ANP32E: variants seen among roughly 807,000 people sequenced by gnomAD.
ANP32E encodes acidic leucine-rich nuclear phosphoprotein 32 family member E.
In ANP32E, 14 loss-of-function variants were observed where a neutral mutation model predicts 35.3. The observed-to-expected ratio is 0.40, with a 90% CI of 0.26 to 0.62. ANP32E has a LOEUF of 0.62. Ranked by LOEUF, ANP32E falls within the 20% of genes least tolerant of loss-of-function variation. The pLI, the probability that ANP32E is intolerant of heterozygous loss-of-function variation, is 0.45. For synonymous variants in ANP32E, 89 were observed against 110.4 expected, an observed-to-expected ratio of 0.81 and a Z score of 1.22; for missense variants, 198 against 304.4, an observed-to-expected ratio of 0.65 and a Z score of 2.60.
At chr1:150,229,901 C>G (rs972909804) in intron 3 of ANP32E, among the ~76,000 whole-genome samples, 1 of 152,168 alleles carries the variant, frequency 6.6e-6, no homozygotes, top group African/African-American at 2.4e-5. Flanking sequence ...CGCAAGCCAC[C>G]GTGCCCGACC....
In ANP32E at chr1:150,231,944, T is replaced by A. The variant is rs1275899429; in HGVS notation, c.55-18A>T. ...TCTGTCACCTGTAAGAGGGAAAACA[T>A]TAATTAATGATTCTTTAGTTTGTAA... is the stretch of plus-strand genomic sequence containing the variant. On this transcript the variant is annotated intron_variant, in intron 1 of 6. Coordinates refer to ENST00000583931, the MANE Select transcript of ANP32E (RefSeq NM_030920.5). The A allele has an allele frequency of 6.2e-7, 1 of 1,606,732 alleles. No individual in the cohort carries two copies. Among genetic ancestry groups the A allele is most frequent in the Non-Finnish European group, 8.5e-7 (1 of 1,177,562 alleles).
At chr1:150,221,600 G>GAGAGGGAAGGAAGGAAGGAAGGAA (rs1648406899) in intron 6 of ANP32E, among the ~76,000 whole-genome samples, 1 of 4,620 alleles carries the variant, frequency 2.2e-4, no homozygotes, top group Non-Finnish European at 6.7e-4. Context: ...GAGGGAGGGA[G>GAGAGGGAAGGAAGGAAGGAAGGAA]GGAGGGAAGG....
At chr1:150,232,299 C>A (rs1357829398) in intron 1 of ANP32E, among the ~76,000 whole-genome samples, 4 of 139,678 alleles carry the variant, frequency 2.9e-5, no homozygotes, top group Non-Finnish European at 6.2e-5. Context: ...AGCCGAGATC[C>A]CGCCACTGCA....
At chr1:150,220,806 A>C in intron 6 of ANP32E, 45 bp from the exon 7 acceptor site, 1 of 1,527,772 alleles carries the variant, frequency 6.5e-7, no homozygotes, top group Non-Finnish European at 9.1e-7. Flanking sequence ...ATTTTAACAA[A>C]TGAGGATTGG....
In ANP32E at chr1:150,235,963, C is replaced by G. The variant is rs587599418; in HGVS notation, c.-177G>C. The G allele has an allele frequency of 1.8e-5, 11 of 601,880 alleles. No individual in the cohort carries two copies. In the Admixed American group the frequency reaches 3.2e-4, roughly 18 times the overall value. The allele number at this position is 601,880 out of a possible 1,614,324, so 37.3% of individuals were successfully genotyped here. A position where few individuals can be genotyped will look rare whatever the true frequency, so the allele number is the denominator to read the frequency against. On this transcript the variant is annotated 5_prime_UTR_variant, in exon 1 of 7. Coordinates refer to ENST00000583931, the MANE Select transcript of ANP32E (RefSeq NM_030920.5). This position sits in a 1 kb window ranked among gnomAD's most constrained non-coding sequence, Gnocchi z 4.2. ...AAAGAAGAGAATAGCAAATGGAGTC[C>G]AAGAGTTGGGACTCTAACTCAGCTG...
At position 150,226,456 on chromosome 1, in the gene ANP32E, TGGA is replaced by T. The variant is rs1164305691; in HGVS notation, c.681+149_681+151del. ...ATGATTATCTGGATATAGTTTGGGG[TGGA>T]GGACAATGAAAAAAAAGACAGGTGG... On this transcript the variant is annotated intron_variant, in intron 5 of 6. Transcript: ENST00000583931. 5.6e-5 allele frequency: 45 copies of T among 796,806 alleles called. No homozygotes were observed. The Middle Eastern group carries it at 1.1e-3, about 20-fold the overall frequency. 49.4% of individuals were successfully genotyped at this position (796,806 alleles called of 1,614,324 possible).
rs587642495 is a variant in ANP32E at position 150,219,672 on chromosome 1, T to A, written c.*1019A>T. The stretch of plus-strand genomic sequence containing the variant: ...CTTTTCTTTCTTCATCCCACTAATA[T>A]TGTCTTAGATGTTGTCAACCAAGAA... On this transcript the variant is annotated 3_prime_UTR_variant, in exon 7 of 7. Transcript: ENST00000583931. 6.6e-6 allele frequency: 1 copy of A among 152,302 alleles called. No homozygotes were observed. Among genetic ancestry groups the A allele is most frequent in the African/African-American group, 2.4e-5 (1 of 41,574 alleles). The allele number at this position is 152,302 out of a possible 1,614,324, so 9.4% of individuals were successfully genotyped here. A position where few individuals can be genotyped will look rare whatever the true frequency, so the allele number is the denominator to read the frequency against.
chr1:150,222,184 G>C (rs1241259601), intron 6 of ANP32E, among the ~76,000 whole-genome samples: 2 of 152,070 alleles, frequency 1.3e-5, no homozygotes, highest in African/African-American at 4.8e-5. Context: ...ACTTTGGGAG[G>C]CTGAGGCAGG....
At chr1:150,234,399 C>G (rs1553842688) in intron 1 of ANP32E, among the ~76,000 whole-genome samples, 3 of 150,758 alleles carry the variant, frequency 2.0e-5, no homozygotes, top group Non-Finnish European at 1.5e-5. Context: ...TCTCCCTGGC[C>G]CCTGCCAATT....
At position 150,230,625 on chromosome 1, in the gene ANP32E, G is replaced by A; in HGVS notation, c.273C>T (p.Thr91=). 6.2e-7 allele frequency: 1 copy of A among 1,613,274 alleles called. No homozygotes were observed. Among genetic ancestry groups the A allele is most frequent in the Non-Finnish European group, 8.5e-7 (1 of 1,179,404 alleles). ...EVLAEKCPNL[T]YLNLSGNKIK... ...TTTTGTTTCCACTCAGATTGAGGTA[G>A]GTAAGATTTGGACATTTCTCTGCCA... Residue 91 remains threonine (T), a synonymous_variant, in exon 3 of 7, where the codon ACC becomes ACT. Transcript: ENST00000583931.
intron 1 of ANP32E, chr1:150,234,607 A>G: frequency 2.0e-6 from 2 of 985,532 alleles, no homozygotes; most frequent in Non-Finnish European, 1.2e-6. Context: ...TTTCAGCAAG[A>G]CTGATGCTTT....
chr1:150,235,710 C>G lies in ANP32E; in HGVS notation c.54+23G>C, dbSNP rs368794036. On this transcript the variant is annotated intron_variant, in intron 1 of 6. Transcript: ENST00000583931. The surrounding 1 kb of genome is among the most constrained non-coding windows in gnomAD (Gnocchi z 4.2). ...TCAGAATACTGGACTGATGGGGAAG[C>G]GGTGGGGGCTGAGTCATCTCACCTC... 6.2e-7 allele frequency: 1 copy of G among 1,613,130 alleles called. No homozygotes were observed. Among genetic ancestry groups the G allele is most frequent in the Non-Finnish European group, 8.5e-7 (1 of 1,179,510 alleles).
At position 150,235,486 on chromosome 1, in the gene ANP32E, T is replaced by G. The variant is rs183368405; in HGVS notation, c.54+247A>C. 2.0e-5 allele frequency among the ~76,000 whole-genome samples: 3 copies of G among 152,220 alleles called. No individual in the cohort carries two copies. ...CACGAGGTCAGGACGCCCGACTCGA[T>G]GAAAGCCGAAAGGAGCTAAGCCCCC... On this transcript the variant is annotated intron_variant, in intron 1 of 6. Coordinates refer to ENST00000583931, the MANE Select transcript of ANP32E (RefSeq NM_030920.5). The surrounding 1 kb of genome is among the most constrained non-coding windows in gnomAD (Gnocchi z 4.2).
At chr1:150,228,505 C>T (rs782773127) in intron 4 of ANP32E, among the ~76,000 whole-genome samples, 3 of 152,062 alleles carry the variant, frequency 2.0e-5, no homozygotes, top group Non-Finnish European at 2.9e-5. Context: ...GCCTGACCAA[C>T]ATGGTGAAAC....
rs1174526340 is a variant in ANP32E, at chr1:150,220,510, T to C, written c.*181A>G. On this transcript the variant is annotated 3_prime_UTR_variant, in exon 7 of 7. Transcript: ENST00000583931. ...AATGAAAATTTTTCTCTACATACAA[T>C]ATGATCATTAACAGACTAGTTCTTA... 5.2e-6 allele frequency: 3 copies of C among 580,610 alleles called. No homozygotes were observed. The highest frequency in any genetic ancestry group is 1.9e-5 in the African/African-American group (1 of 53,588). 36.0% of individuals were successfully genotyped at this position (580,610 alleles called of 1,614,324 possible).
chr1:150,225,668 CAAAAAAA>C (rs1648810070), intron 5 of ANP32E, among the ~76,000 whole-genome samples: 7 of 119,272 alleles, frequency 5.9e-5, no homozygotes, highest in South Asian at 2.6e-4. Flanking sequence ...GAGACTGTAA[CAAAAAAA>C]AAAAAAAAAA....
chr1:150,235,706 G>A lies in ANP32E; in HGVS notation c.54+27C>T, dbSNP rs1553843137. 6.2e-7 allele frequency: 1 copy of A among 1,613,298 alleles called. No homozygotes were observed. The highest frequency in any genetic ancestry group is 1.3e-5 in the African/African-American group (1 of 74,882). Reference sequence around the variant, plus strand: ...ATCCTCAGAATACTGGACTGATGGGGAAGCGGTGGGGGCTGAGTCATCTCA... The same window carrying A: ...ATCCTCAGAATACTGGACTGATGGGAAAGCGGTGGGGGCTGAGTCATCTCA... On this transcript the variant is annotated intron_variant, in intron 1 of 6. Transcript: ENST00000583931. The surrounding 1 kb of genome is among the most constrained non-coding windows in gnomAD (Gnocchi z 4.2).
chr1:150,228,967 TGTG>T lies in ANP32E; in HGVS notation c.493+102_493+104del, dbSNP rs1649111862. 11 of 966,698 alleles carry T rather than the reference TGTG, an allele frequency of 1.1e-5. No homozygotes were observed. In the Admixed American group the frequency reaches 1.8e-4, roughly 16 times the overall value. The allele number at this position is 966,698 out of a possible 1,614,324, so 59.9% of individuals were successfully genotyped here. A position where few individuals can be genotyped will look rare whatever the true frequency, so the allele number is the denominator to read the frequency against. On this transcript the variant is annotated intron_variant, in intron 4 of 6. Coordinates refer to ENST00000583931, the MANE Select transcript of ANP32E (RefSeq NM_030920.5). ...TTTTCTTGTCTTACTAATATCTTGT[TGTG>T]GATTTTTTTTTTCACACCTAAATTT...
chr1:150,226,560 C>T, intron 5 of ANP32E, 48 bp downstream of exon 5: 2 of 1,601,880 alleles, frequency 1.2e-6, no homozygotes, highest in Non-Finnish European at 1.7e-6. Context: ...GTACTTACTC[C>T]TATGCCTAGA....
Sources: allele counts gnomAD v4.1 joint callset (sites outside exome capture counted in the v4.1 genomes callset), GRCh38; gene constraint gnomAD v4.1.1; non-coding constraint Gnocchi (gnomAD v3.1); transcripts MANE v1.5; gene names NCBI Gene and HGNC (gene_info 2026-07-23, HGNC 2026-07-21).